ATAD5: variants seen among roughly 807,000 people sequenced by gnomAD.
ATAD5 encodes the protein ATPase family AAA domain containing 5, also known as ATPase family AAA domain-containing protein 5.
A neutral mutation model predicts 176.9 loss-of-function variants in ATAD5; 58 were observed. The observed-to-expected ratio is 0.33, with a 90% confidence interval of 0.27 to 0.41. ATAD5 has a LOEUF of 0.41. ATAD5 is among the 10% of genes least tolerant of loss of function. The probability of loss-of-function intolerance (pLI) is 1.00; values close to 1 mark genes in which losing one functional copy is unlikely to be tolerated. For synonymous variants in ATAD5, 640 were observed against 712.6 expected (o/e 0.90, Z 1.62); for missense variants, 1,789 against 2,094.1 (o/e 0.85, Z 2.84).
Position 30,834,812 on chromosome 17 carries a change from G to A in ATAD5, c.731G>A (p.Ser244Asn), listed in dbSNP as rs201064814. 41 of 1,613,860 alleles carry A rather than the reference G, an allele frequency of 2.5e-5. No homozygotes were observed. Among genetic ancestry groups the A allele is most frequent in the South Asian group, 3.3e-5 (3 of 91,024 alleles). The stretch of plus-strand genomic sequence containing the variant: ...ACTAAACAGATGGAGAATACTACAA[G>A]CCATGCAAACTCTAGAGATAACGTA... ...KDTKQMENTT[S>N]HANSRDNVTE... Residue 244 changes from serine (S) to asparagine (N), a missense_variant, in exon 2 of 23, where the codon AGC becomes AAC. This residue lies in a region of ATAD5 where 696 missense variants were observed against 712.5 expected (regional missense o/e 0.98). Transcript: ENST00000321990.
At position 30,887,371 on chromosome 17, in the gene ATAD5, T is replaced by C. The variant is rs1203048442; in HGVS notation, c.4257T>C (p.Tyr1419=). ...GVLEERPLTL[Y]RGNSRNVQLV... ...TAGAAGAACGACCATTAACCCTTTA[T>C]CGTAAGTTGATTTGTTATTAAAGAA... Residue 1419 remains tyrosine (Y), a splice_region_variant and synonymous_variant, in exon 19 of 23, where the codon TAT becomes TAC. Transcript: ENST00000321990. The C allele has an allele frequency of 1.9e-6, 3 of 1,589,138 alleles. No individual in the cohort carries two copies. The highest frequency in any genetic ancestry group is 2.6e-6 in the Non-Finnish European group (3 of 1,172,010).
chr17:30,865,432 A>G (rs1259426819), intron 10 of ATAD5, among the ~76,000 whole-genome samples: 2 of 152,104 alleles, frequency 1.3e-5, no homozygotes, highest in Non-Finnish European at 2.9e-5. Flanking sequence ...TCAGCCTCCC[A>G]AAGTGCTGGG....
chr17:30,873,006 A>G (rs1168757527), intron 14 of ATAD5, among the ~76,000 whole-genome samples: 4 of 152,020 alleles, frequency 2.6e-5, no homozygotes, highest in Non-Finnish European at 5.9e-5. Context: ...CCATTGTTGC[A>G]TCATGACAAA....
Position 30,894,074 on chromosome 17 carries a change from C to A in ATAD5, c.5221C>A (p.Pro1741Thr). Residue 1741 changes from proline (P) to threonine (T), a missense_variant, in exon 21 of 23, where the codon CCA becomes ACA. Physicochemically the swap from Pro to Thr is conservative, Grantham distance 38 (BLOSUM62 -1). This residue lies in a region of ATAD5 where 403 missense variants were observed against 495.1 expected (regional missense o/e 0.81). Coordinates refer to ENST00000321990, the MANE Select transcript of ATAD5 (RefSeq NM_024857.5). ...LNSCKKLGRD[P>T]TNDLTFYVSQ... ...TTCTTGCAAGAAATTAGGAAGAGAT[C>A]CAACCAACGATCTTACTTTTTATGT... The A allele has an allele frequency of 1.2e-6, 2 of 1,609,358 alleles. No homozygotes were observed. The highest frequency in any genetic ancestry group is 1.1e-5 in the South Asian group (1 of 90,700).
intron 6 of ATAD5, among the ~76,000 whole-genome samples, chr17:30,854,288 A>G (rs1597967889): frequency 6.8e-6 from 1 of 147,148 alleles, no homozygotes; most frequent in South Asian, 2.1e-4. Context: ...TACCTAATAT[A>G]TATTTTATAT....
chr17:30,894,020 G>C lies in ATAD5; in HGVS notation c.5167G>C (p.Ala1723Pro), dbSNP rs1393175947. Residue 1723 changes from alanine to proline, a missense_variant, in exon 21 of 23, where the codon GCT becomes CCT. Ala to Pro is a conservative substitution (Grantham distance 27). Coordinates refer to ENST00000321990, the MANE Select transcript of ATAD5 (RefSeq NM_024857.5). ...TCTCAGCTTTACTAAATGTTCTTCT[G>C]CTATTTCAAAAGCATTGGAAACCTT... ...EALSFTKCSS[A>P]ISKALETLNS... 1 of 1,613,428 alleles carries C rather than the reference G, an allele frequency of 6.2e-7. No homozygotes were observed. Among genetic ancestry groups the C allele is most frequent in the Non-Finnish European group, 8.5e-7 (1 of 1,179,544 alleles).
chr17:30,856,110 C>T (rs1907278076), intron 7 of ATAD5, among the ~76,000 whole-genome samples: 1 of 152,130 alleles, frequency 6.6e-6, no homozygotes, highest in South Asian at 2.1e-4. Flanking sequence ...AGGAGTGCTG[C>T]CATAAAACTT....
At chr17:30,874,043 T>C (rs145558065) in intron 14 of ATAD5, among the ~76,000 whole-genome samples, 3,060 of 152,072 alleles carry the variant, frequency 0.02, 41 homozygotes, top group Admixed American at 0.036. Flanking sequence ...TGCACACCTG[T>C]AATCCCAGCT....
intron 18 of ATAD5, among the ~76,000 whole-genome samples, chr17:30,881,085 T>C (rs1053440080): frequency 2.0e-5 from 3 of 146,996 alleles, no homozygotes; most frequent in African/African-American, 7.6e-5. Context: ...TATTTTTTCC[T>C]TTTTCTTTTT....
rs551542078 is a variant in ATAD5 at position 30,861,712 on chromosome 17, G to C, written c.3136+1100G>C. Reference sequence around the variant, plus strand: ...TTTTCAGTAGAGACAGGGTTTCACTGTGTGGTCCGGGCAGGTCTTGAACTC... The same window carrying C: ...TTTTCAGTAGAGACAGGGTTTCACTCTGTGGTCCGGGCAGGTCTTGAACTC... On this transcript the variant is annotated intron_variant, in intron 10 of 22. Coordinates refer to ENST00000321990, the MANE Select transcript of ATAD5 (RefSeq NM_024857.5). 2.6e-5 allele frequency: 4 copies of C among 151,810 alleles called. No individual in the cohort carries two copies. The South Asian group carries it at 8.4e-4, about 32-fold the overall frequency. 9.4% of individuals were successfully genotyped at this position (151,810 alleles called of 1,614,324 possible).
chr17:30,848,276 C>T (rs1277104476), intron 6 of ATAD5, among the ~76,000 whole-genome samples: 1 of 151,880 alleles, frequency 6.6e-6, no homozygotes, highest in East Asian at 1.9e-4. Flanking sequence ...CGGAGTCTCA[C>T]TCTGTCATCC....
At chr17:30,837,511 G>A (rs1349969858) in intron 3 of ATAD5, among the ~76,000 whole-genome samples, 197 bp downstream of exon 3, 3 of 152,192 alleles carry the variant, frequency 2.0e-5, no homozygotes, top group African/African-American at 7.2e-5. Context: ...ATTGTGAGGT[G>A]AAAGCAATTG....
chr17:30,887,469 C>A, intron 19 of ATAD5, 97 bp downstream of exon 19: 1 of 1,026,754 alleles, frequency 9.7e-7, no homozygotes, highest in Non-Finnish European at 1.4e-6. Context: ...GTAATCCCAG[C>A]ACTTTGGGGG....
In ATAD5 at chr17:30,893,410, T is replaced by C. The variant is rs1221289965; in HGVS notation, c.4557T>C (p.Val1519=). The stretch of plus-strand genomic sequence containing the variant: ...TTGAGTTTATTCTACCATTACCAGT[T>C]GATACCATTCCAGAAACTAAAAACT... ...SNLEFILPLP[V]DTIPETKNFC... Residue 1519 remains valine (V), a synonymous_variant, in exon 21 of 23, where the codon GTT becomes GTC. Transcript: ENST00000321990. 1.9e-6 allele frequency: 3 copies of C among 1,613,476 alleles called. No individual in the cohort carries two copies. In the Admixed American group the frequency reaches 5.0e-5, roughly 27 times the overall value.
At chr17:30,869,105 C>A in intron 12 of ATAD5, 143 bp from the exon 13 acceptor site, 3 of 919,034 alleles carry the variant, frequency 3.3e-6, no homozygotes, top group Non-Finnish European at 4.8e-6. Flanking sequence ...GGATTACAGG[C>A]ATGTGCCACT....
chr17:30,883,361 A>C (rs1391412824), intron 18 of ATAD5, among the ~76,000 whole-genome samples: 1 of 152,092 alleles, frequency 6.6e-6, no homozygotes, highest in Non-Finnish European at 1.5e-5. Context: ...TCCTGAGCTC[A>C]AGTAATACTC....
At chr17:30,843,870 A>G (rs770607442) in intron 4 of ATAD5, 43 bp from the exon 5 acceptor site, 514 of 1,121,504 alleles carry the variant, frequency 4.6e-4, no homozygotes, top group Non-Finnish European at 5.8e-4. Context: ...AATGATATTA[A>G]TTATATGATT....
At chr17:30,894,448 A>T in intron 21 of ATAD5, 116 bp from the exon 22 acceptor site, 1 of 1,023,298 alleles carries the variant, frequency 9.8e-7, no homozygotes. Flanking sequence ...ACAGGAAATT[A>T]ATCTGGAAAT....
intron 3 of ATAD5, among the ~76,000 whole-genome samples, chr17:30,837,807 A>C (rs1905847024): frequency 6.6e-6 from 1 of 152,174 alleles, no homozygotes; most frequent in South Asian, 2.1e-4. Flanking sequence ...CACCTCCTAA[A>C]GGCCCTACCT....
Sources: gnomAD v4.1 joint callset for allele counts (sites outside exome capture counted in the v4.1 genomes callset) on GRCh38, gnomAD v4.1.1 for gene constraint, gnomAD v4.1.1 regional missense constraint, MANE v1.5 for transcripts, NCBI Gene and HGNC (gene_info 2026-07-23, HGNC 2026-07-21) for gene names.